The following AGBL4 variants were observed in gnomAD, a reference collection of about 807,000 sequenced individuals.
AGBL4 encodes cytosolic carboxypeptidase 6.
A neutral mutation model predicts 66.4 loss-of-function variants in AGBL4; 58 were observed. The observed-to-expected ratio is 0.87, with a 90% CI of 0.71 to 1.09. AGBL4 has a LOEUF of 1.09. Among genes scored for constraint, AGBL4 ranks in the 50% least tolerant of loss-of-function variants. AGBL4 has a pLI of 0.00. For missense variants in AGBL4, 579 were observed against 631.0 expected (o/e 0.92, Z 0.88); for synonymous variants, 234 against 222.9 (o/e 1.05, Z -0.44).
chr1:49,459,307 T>A (rs1157060175), intron 3 of AGBL4, among the ~76,000 whole-genome samples: 2 of 151,760 alleles, frequency 1.3e-5, no homozygotes, highest in Non-Finnish European at 2.9e-5. Context: ...ATTCAGAGTT[T>A]CTATATCTTC....
chr1:49,331,312 G>A (rs1374489906), intron 3 of AGBL4, among the ~76,000 whole-genome samples: 1 of 152,038 alleles, frequency 6.6e-6, no homozygotes, highest in Non-Finnish European at 1.5e-5. Context: ...CCACTTCCAC[G>A]GCACCTCACA....
chr1:49,529,642 A>T (rs1650939485), intron 3 of AGBL4, among the ~76,000 whole-genome samples: 2 of 152,226 alleles, frequency 1.3e-5, no homozygotes, highest in South Asian at 4.1e-4. Flanking sequence ...GTGCCACTAC[A>T]CTTCAGCCTG....
At chr1:49,006,502 G>C (rs1164166658) in intron 5 of AGBL4, among the ~76,000 whole-genome samples, 1 of 152,216 alleles carries the variant, frequency 6.6e-6, no homozygotes, top group African/African-American at 2.4e-5. Context: ...CAGCGGGGAA[G>C]CTCGAACTGG....
intron 3 of AGBL4, among the ~76,000 whole-genome samples, chr1:49,561,230 C>T (rs142294671): frequency 4.6e-5 from 7 of 151,336 alleles, no homozygotes; most frequent in Middle Eastern, 3.4e-3. Flanking sequence ...GGGTGTAGAG[C>T]TTTTTTAAGT....
intron 1 of AGBL4, among the ~76,000 whole-genome samples, chr1:49,945,893 A>G (rs1225848024): frequency 6.6e-6 from 1 of 152,102 alleles, no homozygotes; most frequent in Non-Finnish European, 1.5e-5. Context: ...GGACAACGAA[A>G]GTGAGCAAGA....
chr1:49,754,659 G>A (rs558144781), intron 2 of AGBL4, among the ~76,000 whole-genome samples: 1 of 152,300 alleles, frequency 6.6e-6, no homozygotes, highest in Admixed American at 6.5e-5. Context: ...TCATTCAGAA[G>A]GTACAGGGGT....
intron 8 of AGBL4, among the ~76,000 whole-genome samples, chr1:48,636,731 G>T (rs1186871097): frequency 6.6e-6 from 1 of 152,198 alleles, no homozygotes; most frequent in Non-Finnish European, 1.5e-5. Flanking sequence ...GAGCCCCACA[G>T]CCACACTCAT....
At chr1:49,654,841 G>A (rs568477742) in intron 3 of AGBL4, among the ~76,000 whole-genome samples, 1 of 152,210 alleles carries the variant, frequency 6.6e-6, no homozygotes, top group South Asian at 2.1e-4. Context: ...TCGGTTTCCT[G>A]AATACAGAAC....
intron 5 of AGBL4, among the ~76,000 whole-genome samples, chr1:48,966,443 C>A (rs1431806664): frequency 6.6e-6 from 1 of 152,114 alleles, no homozygotes; most frequent in Non-Finnish European, 1.5e-5. Flanking sequence ...CATGATAATA[C>A]ACACACCCAA....
chr1:48,544,716 C>CT (rs1232523498), intron 11 of AGBL4, among the ~76,000 whole-genome samples: 8 of 152,050 alleles, frequency 5.3e-5, no homozygotes, highest in Non-Finnish European at 8.8e-5. Context: ...TCTGACTGCC[C>CT]TGAGACCCTG....
At chr1:49,634,004 A>G (rs955876658) in intron 3 of AGBL4, among the ~76,000 whole-genome samples, 1 of 151,116 alleles carries the variant, frequency 6.6e-6, no homozygotes, top group Non-Finnish European at 1.5e-5. Context: ...TTATTTCAAC[A>G]TACTATCAAT....
chr1:49,354,906 C>T (rs1442433580), intron 3 of AGBL4, among the ~76,000 whole-genome samples: 2 of 152,164 alleles, frequency 1.3e-5, no homozygotes, highest in Non-Finnish European at 2.9e-5. Flanking sequence ...GAGCCTATCC[C>T]AGCATTTCAG....
intron 2 of AGBL4, among the ~76,000 whole-genome samples, chr1:49,837,149 G>A (rs551092757): frequency 2.0e-5 from 3 of 152,294 alleles, no homozygotes; most frequent in Admixed American, 1.3e-4. Context: ...TTGAAGCTGC[G>A]CCCACAGCCG....
intron 4 of AGBL4, among the ~76,000 whole-genome samples, chr1:49,242,564 G>C (rs1339946536): frequency 6.6e-6 from 1 of 151,926 alleles, no homozygotes; most frequent in African/African-American, 2.4e-5. Flanking sequence ...GCAGTGCCTA[G>C]CACACAGTAA....
At chr1:49,363,182 G>A (rs769790229) in intron 3 of AGBL4, among the ~76,000 whole-genome samples, 6 of 152,178 alleles carry the variant, frequency 3.9e-5, no homozygotes, top group Non-Finnish European at 5.9e-5. Context: ...CACCAAAAAT[G>A]TGACAAAGAT....
chr1:48,757,232 G>A (rs1934409), intron 6 of AGBL4, among the ~76,000 whole-genome samples: 119,651 of 152,100 alleles, frequency 0.79, 48,236 homozygotes, highest in Non-Finnish European at 0.89. Flanking sequence ...CACTGAAAAT[G>A]CAAATTATTC....
intron 5 of AGBL4, among the ~76,000 whole-genome samples, chr1:48,876,236 G>A (rs1247898288): frequency 6.6e-6 from 1 of 152,180 alleles, no homozygotes; most frequent in Non-Finnish European, 1.5e-5. Context: ...TGTGTTAGGC[G>A]AGTGAATACA....
At chr1:48,548,146 CTAA>C (rs1644194008) in intron 11 of AGBL4, among the ~76,000 whole-genome samples, 1 of 152,038 alleles carries the variant, frequency 6.6e-6, no homozygotes, top group Non-Finnish European at 1.5e-5. Flanking sequence ...AGCTGTAGAC[CTAA>C]TAATACATGT....
At chr1:49,254,819 A>C (rs1267717709) in intron 3 of AGBL4, among the ~76,000 whole-genome samples, 1 of 152,190 alleles carries the variant, frequency 6.6e-6, no homozygotes, top group Non-Finnish European at 1.5e-5. Flanking sequence ...AAACAGAAAC[A>C]TAGACCAATG....
Sources: gnomAD v4.1 joint callset for allele counts (sites outside exome capture counted in the v4.1 genomes callset) on GRCh38, gnomAD v4.1.1 for gene constraint, MANE v1.5 for transcripts, NCBI Gene and HGNC (gene_info 2026-07-23, HGNC 2026-07-21) for gene names.